Variants in RBFOX1 observed in about 807,000 individuals in gnomAD.
RBFOX1 encodes the protein RNA binding protein fox-1 homolog 1.
In RBFOX1, 8 loss-of-function variants were observed where a neutral mutation model predicts 57.7. The observed-to-expected ratio is 0.14, with a 90% CI of 0.08 to 0.25. The LOEUF (loss-of-function observed/expected upper bound fraction) is 0.25. Ranked by LOEUF, RBFOX1 falls within the 10% of genes least tolerant of loss-of-function variation. The pLI, the probability that RBFOX1 is intolerant of heterozygous loss-of-function variation, is 1.00. For synonymous variants in RBFOX1, 326 were observed against 222.4 expected, an observed-to-expected ratio of 1.47 and a Z score of -4.15; for missense variants, 611 against 548.5, an observed-to-expected ratio of 1.11 and a Z score of -1.14.
At chr16:6,213,329 T>C (rs1381919052) in intron 1 of RBFOX1, among the ~76,000 whole-genome samples, 5 of 152,178 alleles carry the variant, frequency 3.3e-5, no homozygotes, top group African/African-American at 1.2e-4. Context: ...TGTTCCACTT[T>C]CTCTTAGGAA....
chr16:7,112,235 G>T (rs1242579751), intron 4 of RBFOX1, among the ~76,000 whole-genome samples: 1 of 151,942 alleles, frequency 6.6e-6, no homozygotes, highest in African/African-American at 2.4e-5. Context: ...TTGAGATGGG[G>T]TCTGTCTTCC....
chr16:5,457,253 G>C (rs2068658626), intron 1 of RBFOX1, among the ~76,000 whole-genome samples: 2 of 152,234 alleles, frequency 1.3e-5, no homozygotes, highest in South Asian at 4.2e-4. Context: ...TCCTGCCTCA[G>C]CCTCCCAAGT....
intron 4 of RBFOX1, among the ~76,000 whole-genome samples, chr16:7,133,943 G>T (rs940096028): frequency 2.0e-5 from 3 of 152,136 alleles, no homozygotes; most frequent in Non-Finnish European, 2.9e-5. Flanking sequence ...TACTTAATAT[G>T]TCAGGGTATT....
chr16:6,981,666 A>G (rs1019072133), intron 3 of RBFOX1, among the ~76,000 whole-genome samples: 1 of 152,204 alleles, frequency 6.6e-6, no homozygotes, highest in African/African-American at 2.4e-5. Context: ...GAATTTGTGT[A>G]GAGGAACTCC....
chr16:6,029,640 G>A (rs923914522), intron 1 of RBFOX1, among the ~76,000 whole-genome samples: 4 of 152,166 alleles, frequency 2.6e-5, no homozygotes, highest in Admixed American at 1.3e-4. Context: ...GGGCGTGGTG[G>A]CGGGTGCCTG....
At chr16:6,963,797 C>G (rs1309257663) in intron 3 of RBFOX1, among the ~76,000 whole-genome samples, 1 of 150,224 alleles carries the variant, frequency 6.7e-6, no homozygotes, top group Non-Finnish European at 1.5e-5. Flanking sequence ...CTCCCGGGTT[C>G]ATGCCATTCT....
At chr16:7,707,126 C>A (rs990147489) in intron 14 of RBFOX1, among the ~76,000 whole-genome samples, 13 of 152,136 alleles carry the variant, frequency 8.5e-5, no homozygotes, top group African/African-American at 3.1e-4. Context: ...TCAGGAGAAT[C>A]CTCTTGAAGC....
intron 4 of RBFOX1, among the ~76,000 whole-genome samples, chr16:7,368,602 C>A (rs974484073): frequency 6.6e-6 from 1 of 151,648 alleles, no homozygotes; most frequent in Non-Finnish European, 1.5e-5. Context: ...CACGGTGAAA[C>A]CCCCTGTCTA....
chr16:6,080,082 T>A (rs2095977197), intron 1 of RBFOX1, among the ~76,000 whole-genome samples: 1 of 152,188 alleles, frequency 6.6e-6, no homozygotes, highest in African/African-American at 2.4e-5. Context: ...TGTTTTCTAA[T>A]GTACAGTGGA....
At chr16:6,059,544 T>C (rs535532218) in intron 1 of RBFOX1, among the ~76,000 whole-genome samples, 1 of 152,338 alleles carries the variant, frequency 6.6e-6, no homozygotes, top group Non-Finnish European at 1.5e-5. Flanking sequence ...ATTAGTGTTT[T>C]AAAGGGAACT....
intron 3 of RBFOX1, among the ~76,000 whole-genome samples, chr16:7,049,111 C>T (rs575098921): frequency 1.3e-5 from 2 of 152,242 alleles, no homozygotes; most frequent in African/African-American, 4.8e-5. Flanking sequence ...GGGTGATTTT[C>T]CCAAATTATT....
intron 4 of RBFOX1, among the ~76,000 whole-genome samples, chr16:7,451,219 C>G (rs533655411): frequency 9.2e-5 from 14 of 152,120 alleles, no homozygotes; most frequent in African/African-American, 3.4e-4. Context: ...TTGGATGGGA[C>G]CTGATATAAT....
At chr16:7,216,665 TAAA>T (rs2092101779) in intron 4 of RBFOX1, among the ~76,000 whole-genome samples, 1 of 74,918 alleles carries the variant, frequency 1.3e-5, no homozygotes, top group Non-Finnish European at 3.3e-5. Flanking sequence ...CAAAATAAAA[TAAA>T]AATTAAAAAA....
chr16:5,561,814 G>A (rs1342166099), intron 2 of RBFOX1, among the ~76,000 whole-genome samples: 2 of 152,106 alleles, frequency 1.3e-5, no homozygotes, highest in East Asian at 3.9e-4. Flanking sequence ...ACTTGAGGAC[G>A]ATGGTCTTGG....
At chr16:7,193,729 A>G (rs1299481280) in intron 4 of RBFOX1, among the ~76,000 whole-genome samples, 1 of 152,242 alleles carries the variant, frequency 6.6e-6, no homozygotes, top group Non-Finnish European at 1.5e-5. Context: ...TACAGAGCCC[A>G]TGCTCTGCAC....
At chr16:7,452,331 G>C (rs540199481) in intron 4 of RBFOX1, among the ~76,000 whole-genome samples, 5 of 152,326 alleles carry the variant, frequency 3.3e-5, no homozygotes, top group African/African-American at 1.2e-4. Flanking sequence ...GCCCGCGTTA[G>C]CGTGTAGGTG....
chr16:7,358,885 G>C (rs547475915), intron 4 of RBFOX1, among the ~76,000 whole-genome samples: 3 of 152,294 alleles, frequency 2.0e-5, no homozygotes, highest in African/African-American at 7.2e-5. Flanking sequence ...CAAGACATGA[G>C]ACAGTAAGAC....
intron 1 of RBFOX1, among the ~76,000 whole-genome samples, chr16:6,026,725 C>A (rs190792837): frequency 1.3e-5 from 2 of 152,350 alleles, no homozygotes; most frequent in East Asian, 3.9e-4. Context: ...TGCAATCTGG[C>A]TCTTGTTTTG....
At chr16:6,828,351 C>G (rs545008827) in intron 3 of RBFOX1, among the ~76,000 whole-genome samples, 7 of 152,044 alleles carry the variant, frequency 4.6e-5, no homozygotes, top group Admixed American at 3.3e-4. Context: ...TGATGAAACC[C>G]CATCTCTACT....
Sources: allele counts gnomAD v4.1 joint callset (sites outside exome capture counted in the v4.1 genomes callset), GRCh38; gene constraint gnomAD v4.1.1; transcripts MANE v1.5; gene names NCBI Gene and HGNC (gene_info 2026-07-23, HGNC 2026-07-21).